HPN: variants seen among roughly 807,000 people sequenced by gnomAD.
HPN encodes hepsin.
Under a neutral mutation model 55.9 loss-of-function variants are expected in HPN, and 13 were observed. The observed-to-expected ratio is 0.23, with a 90% CI of 0.15 to 0.37. HPN has a LOEUF of 0.37. Ranked by LOEUF, HPN falls within the 10% of genes least tolerant of loss-of-function variation. The probability of loss-of-function intolerance (pLI) is 1.00; values close to 1 mark genes in which losing one functional copy is unlikely to be tolerated. For missense variants in HPN, 451 were observed against 575.8 expected (o/e 0.78, Z 2.22); for synonymous variants, 225 against 240.3 (o/e 0.94, Z 0.59).
intron 4 of HPN, among the ~76,000 whole-genome samples, chr19:35,052,305 A>G (rs779948592): frequency 2.0e-5 from 3 of 152,162 alleles, no homozygotes; most frequent in Non-Finnish European, 4.4e-5. Flanking sequence ...AGGCAGGCAG[A>G]TCACCTGAGG....
At chr19:35,054,907 C>G (rs1235594127) in intron 4 of HPN, among the ~76,000 whole-genome samples, 1 of 152,168 alleles carries the variant, frequency 6.6e-6, no homozygotes, top group Non-Finnish European at 1.5e-5. Flanking sequence ...GACCCCTCAG[C>G]TGGTGTGTGG....
intron 2 of HPN, among the ~76,000 whole-genome samples, chr19:35,046,405 C>T (rs999630234): frequency 6.6e-6 from 1 of 152,074 alleles, no homozygotes; most frequent in African/African-American, 2.4e-5. Flanking sequence ...CCACCACACC[C>T]AGCTAATTTT....
chr19:35,065,247 C>T lies in HPN; in HGVS notation c.812-3C>T. 1 of 1,610,040 alleles carries T rather than the reference C, an allele frequency of 6.2e-7. No individual in the cohort carries two copies. Among genetic ancestry groups the T allele is most frequent in the Middle Eastern group, 1.7e-4 (1 of 6,042 alleles). On this transcript the variant is annotated splice_region_variant and splice_polypyrimidine_tract_variant and intron_variant, in intron 9 of 12. Transcript: ENST00000672452. ...GGCTGGACCAGCATTGTCTCTCTCA[C>T]AGAATACATCCAGCCTGTGTGCCTC...
chr19:35,065,270 C>T lies in HPN; in HGVS notation c.832C>T (p.Leu278Phe). ...PLTEYIQPVC[L>F]PAAGQALVDG... ...CACAGAATACATCCAGCCTGTGTGC[C>T]TCCCAGCTGCCGGCCAGGCCCTGGT... The change falls in exon 10 of 13, where the codon CTC becomes TTC. Residue 278 changes from leucine to phenylalanine, a missense_variant. Leu to Phe is a conservative substitution (Grantham distance 22). Coordinates refer to ENST00000672452, the MANE Select transcript of HPN (RefSeq NM_001384133.1). 1 of 1,613,764 alleles carries T rather than the reference C, an allele frequency of 6.2e-7. No individual in the cohort carries two copies. The highest frequency in any genetic ancestry group is 8.5e-7 in the Non-Finnish European group (1 of 1,179,788).
chr19:35,059,628 C>T (rs2064501563), intron 4 of HPN, 45 bp from the exon 5 acceptor site: 7 of 1,560,474 alleles, frequency 4.5e-6, no homozygotes, highest in Non-Finnish European at 6.1e-6. Context: ...ATGTGGGGAG[C>T]CTGGCTGTGG....
chr19:35,065,074 G>A lies in HPN; in HGVS notation c.812-176G>A, dbSNP rs866975946. ...TGACATCAAGTGATCCTCCTGCCTC[G>A]GCCTCCCAAAGTGCTGGGATTACAG... On this transcript the variant is annotated intron_variant, in intron 9 of 12. Transcript: ENST00000672452. Among the ~76,000 whole-genome samples, 4 of 152,130 alleles carry A rather than the reference G, an allele frequency of 2.6e-5. No individual in the cohort carries two copies. The South Asian group carries it at 6.2e-4, about 24-fold the overall frequency.
At position 35,065,218 on chromosome 19, in the gene HPN, CG is replaced by C. The variant is rs761432893; in HGVS notation, c.812-27del. 1.6e-5 allele frequency: 25 copies of C among 1,536,790 alleles called. No individual in the cohort carries two copies. The South Asian group carries it at 2.9e-4, about 18-fold the overall frequency. On this transcript the variant is annotated intron_variant, in intron 9 of 12. Coordinates refer to ENST00000672452, the MANE Select transcript of HPN (RefSeq NM_001384133.1). The stretch of plus-strand genomic sequence containing the variant: ...GTTTGTACCAGGTGGGGCAGGCCAG[CG>C]GGGGCTGGACCAGCATTGTCTCTCT...
intron 11 of HPN, 56 bp from the exon 12 acceptor site, chr19:35,065,811 GT>G (rs3835126): frequency 0.83 from 1,324,314 of 1,602,614 alleles, 557,584 homozygotes; most frequent in Admixed American, 0.89. Flanking sequence ...TCATCCCGGG[GT>G]GGGCCTCCTG....
At chr19:35,056,916 C>T (rs1225696970) in intron 4 of HPN, among the ~76,000 whole-genome samples, 1 of 152,168 alleles carries the variant, frequency 6.6e-6, no homozygotes, top group Admixed American at 6.6e-5. Flanking sequence ...TTCCTTCTTT[C>T]CCTCTTCTTT....
chr19:35,056,579 C>G (rs746917079), intron 4 of HPN, among the ~76,000 whole-genome samples: 3 of 152,186 alleles, frequency 2.0e-5, no homozygotes, highest in Non-Finnish European at 4.4e-5. Flanking sequence ...CATGAACAGT[C>G]TCCCGGGAGC....
intron 4 of HPN, among the ~76,000 whole-genome samples, chr19:35,057,784 G>A (rs746084497): frequency 3.9e-5 from 6 of 152,106 alleles, no homozygotes; most frequent in Admixed American, 6.6e-5. Flanking sequence ...TGATTTAGCC[G>A]TTCCACAACG....
Position 35,042,531 on chromosome 19 carries a change from C to T in HPN, c.16+9C>T. 6.2e-7 allele frequency: 1 copy of T among 1,607,548 alleles called. No individual in the cohort carries two copies. Among genetic ancestry groups the T allele is most frequent in the Non-Finnish European group, 8.5e-7 (1 of 1,176,902 alleles). ...CATGGCGCAGAAGGAGGGTGAGTCC[C>T]CTTCCCTGAGCCCCAGCTTTGGCTC... is the stretch of plus-strand genomic sequence containing the variant. On this transcript the variant is annotated intron_variant, in intron 2 of 12. Coordinates refer to ENST00000672452, the MANE Select transcript of HPN (RefSeq NM_001384133.1).
chr19:35,043,401 C>T (rs2064312858), intron 2 of HPN, among the ~76,000 whole-genome samples: 1 of 152,156 alleles, frequency 6.6e-6, no homozygotes, highest in Non-Finnish European at 1.5e-5. Flanking sequence ...GGGGCTGACT[C>T]CCTCTCTTCT....
intron 6 of HPN, 24 bp from the exon 7 acceptor site, chr19:35,060,105 T>C (rs774422559): frequency 1.5e-5 from 25 of 1,614,066 alleles, no homozygotes; most frequent in Non-Finnish European, 2.0e-5. Context: ...TTTCTTTCTG[T>C]GTCTCCAATC....
In HPN at chr19:35,066,307, C is replaced by T. The variant is rs1460450435; in HGVS notation, c.*20C>T. 2.5e-6 allele frequency: 4 copies of T among 1,605,556 alleles called. No individual in the cohort carries two copies. The highest frequency in any genetic ancestry group is 1.3e-5 in the African/African-American group (1 of 74,636). ...CTCTGACCGGTGGCTTCTCGCTGCG[C>T]AGCCTCCAGGGCCCGAGGTGATCCC... On this transcript the variant is annotated 3_prime_UTR_variant, in exon 13 of 13. Coordinates refer to ENST00000672452, the MANE Select transcript of HPN (RefSeq NM_001384133.1).
intron 1 of HPN, 151 bp downstream of exon 1, chr19:35,042,023 T>C: frequency 1.7e-6 from 2 of 1,165,984 alleles, no homozygotes; most frequent in Non-Finnish European, 2.1e-6. Flanking sequence ...CACCTAGGTG[T>C]TCTGTCCTGC....
In HPN at chr19:35,060,126, C is replaced by G; in HGVS notation, c.414-3C>G. 6.2e-7 allele frequency: 1 copy of G among 1,614,176 alleles called. No individual in the cohort carries two copies. Among genetic ancestry groups the G allele is most frequent in the Non-Finnish European group, 8.5e-7 (1 of 1,180,022 alleles). On this transcript the variant is annotated splice_region_variant and splice_polypyrimidine_tract_variant and intron_variant, in intron 6 of 12. Transcript: ENST00000672452. ...TCTGTGTCTCCAATCCCATCTCTCC[C>G]AGTGATTGCCCCAGAGGCCGTTTCT...
chr19:35,056,342 A>G (rs2064455063), intron 4 of HPN, among the ~76,000 whole-genome samples: 1 of 152,062 alleles, frequency 6.6e-6, no homozygotes, highest in South Asian at 2.1e-4. Flanking sequence ...TTTGAGTTCC[A>G]CAGGGGTCGG....
At position 35,049,276 on chromosome 19, in the gene HPN, G is replaced by A. The variant is rs2064377908; in HGVS notation, c.17-14G>A. On this transcript the variant is annotated splice_polypyrimidine_tract_variant and intron_variant, in intron 2 of 12. Transcript: ENST00000672452. The stretch of plus-strand genomic sequence containing the variant: ...ACAGGCCTGGCTGTGGCCCCAGCAT[G>A]GTGTCTGTTGCAGGTGGCCGGACTG... 2.0e-6 allele frequency: 3 copies of A among 1,516,840 alleles called. No homozygotes were observed. In the South Asian group the frequency reaches 3.9e-5, roughly 20 times the overall value. The allele number at this position is 1,516,840 out of a possible 1,614,324, so 94.0% of individuals were successfully genotyped here. A position where few individuals can be genotyped will look rare whatever the true frequency, so the allele number is the denominator to read the frequency against.
Sources: gnomAD v4.1 joint callset for allele counts (sites outside exome capture counted in the v4.1 genomes callset) on GRCh38, gnomAD v4.1.1 for gene constraint, MANE v1.5 for transcripts, NCBI Gene and HGNC (gene_info 2026-07-23, HGNC 2026-07-21) for gene names.